Variants in COL9A1 observed in about 807,000 individuals in gnomAD.
The protein encoded by COL9A1 is collagen type IX alpha 1 chain.
Under a neutral mutation model 142.6 loss-of-function variants are expected in COL9A1, and 104 were observed. The ratio of observed to expected loss-of-function variants is 0.73; its 90% CI spans 0.62 to 0.86. COL9A1 has a LOEUF of 0.86. Ranked by LOEUF, COL9A1 falls within the 40% of genes least tolerant of loss-of-function variation. The pLI is 0.00. For missense variants in COL9A1, 1,210 were observed against 1,176.6 expected, an observed-to-expected ratio of 1.03 and a Z score of -0.42; for synonymous variants, 466 against 396.0, an observed-to-expected ratio of 1.18 and a Z score of -2.10.
At chr6:70,260,236 G>A (rs1282612623) in intron 20 of COL9A1, among the ~76,000 whole-genome samples, 1 of 152,066 alleles carries the variant, frequency 6.6e-6, no homozygotes, top group African/African-American at 2.4e-5. Flanking sequence ...CATCTACAAA[G>A]CATCATAAAA....
rs2127544097 is a variant in COL9A1, at chr6:70,217,037, C to T, written c.2626G>A (p.Glu876Lys). 3 of 1,614,188 alleles carry T rather than the reference C, an allele frequency of 1.9e-6. No homozygotes were observed. Among genetic ancestry groups the T allele is most frequent in the East Asian group, 2.2e-5 (1 of 44,892 alleles). Reference protein sequence around the residue: ...ASYGRNGRDGERGPPGVAGIP... With the variant: ...ASYGRNGRDGKRGPPGVAGIP... Reference sequence around the variant, plus strand: ...CCTGCCACCCCTGGGGGGCCTCGCTCACCGTCTCGGCCATTTCTGCCATAG... The same window carrying T: ...CCTGCCACCCCTGGGGGGCCTCGCTTACCGTCTCGGCCATTTCTGCCATAG... Residue 876 changes from glutamate to lysine, a missense_variant, in exon 38 of 38, where the codon GAG becomes AAG. Coordinates refer to ENST00000357250, the MANE Select transcript of COL9A1 (RefSeq NM_001851.6).
At chr6:70,220,898 G>A (rs971578330) in intron 37 of COL9A1, among the ~76,000 whole-genome samples, 1 of 152,088 alleles carries the variant, frequency 6.6e-6, no homozygotes, top group African/African-American at 2.4e-5. Flanking sequence ...ATGGTTTTCT[G>A]AAATGTCAAG....
At chr6:70,288,156 C>G (rs377163084) in intron 5 of COL9A1, among the ~76,000 whole-genome samples, 6 of 152,332 alleles carry the variant, frequency 3.9e-5, no homozygotes, top group East Asian at 3.9e-4. Flanking sequence ...CTGACACCTG[C>G]TCTTCCCACA....
intron 5 of COL9A1, among the ~76,000 whole-genome samples, chr6:70,288,312 C>T (rs1300163872): frequency 3.3e-5 from 5 of 152,160 alleles, no homozygotes; most frequent in Non-Finnish European, 1.5e-5. Flanking sequence ...GATCACTTTG[C>T]ATCACCTCCA....
At chr6:70,226,088 C>CTA (rs1287947307) in intron 36 of COL9A1, 79 bp from the exon 37 acceptor site, 5 of 1,311,510 alleles carry the variant, frequency 3.8e-6, no homozygotes, top group Non-Finnish European at 4.3e-6. Context: ...TTCAGCAAAT[C>CTA]TAAAATTCAG....
chr6:70,267,302 T>C (rs1487957771), intron 17 of COL9A1, among the ~76,000 whole-genome samples: 6 of 149,406 alleles, frequency 4.0e-5, no homozygotes, highest in Non-Finnish European at 8.9e-5. Flanking sequence ...TGTACATTTT[T>C]TGTTGTTGTT....
chr6:70,261,356 G>A (rs1288488967), intron 19 of COL9A1, among the ~76,000 whole-genome samples: 2 of 147,590 alleles, frequency 1.4e-5, no homozygotes, highest in African/African-American at 5.1e-5. Flanking sequence ...ATACTGAAAT[G>A]TTACCATTCT....
At chr6:70,280,384 AGGGAGTGCC>A in intron 10 of COL9A1, 1 of 1,170,466 alleles carries the variant, frequency 8.5e-7, no homozygotes. Context: ...AAATTAATGC[AGGGAGTGCC>A]GGTGAAAGAG....
chr6:70,222,029 A>G (rs1033886023), intron 37 of COL9A1, among the ~76,000 whole-genome samples: 8 of 152,178 alleles, frequency 5.3e-5, no homozygotes, highest in Admixed American at 4.6e-4. Context: ...AGAAAAACTA[A>G]TCGTATGATT....
intron 2 of COL9A1, among the ~76,000 whole-genome samples, chr6:70,301,194 G>A (rs1374439516): frequency 1.3e-5 from 2 of 152,148 alleles, no homozygotes; most frequent in Non-Finnish European, 2.9e-5. Flanking sequence ...CACCACAGAA[G>A]GCTTCTTGGA....
chr6:70,274,982 T>A (rs1042324159), intron 10 of COL9A1: 37 of 571,420 alleles, frequency 6.5e-5, no homozygotes, highest in Non-Finnish European at 3.1e-6. Context: ...TCTTGATAAG[T>A]TGTATCATAC....
chr6:70,268,946 A>C (rs1046188539), intron 16 of COL9A1, 86 bp from the exon 17 acceptor site: 2 of 1,123,984 alleles, frequency 1.8e-6, no homozygotes, highest in African/African-American at 3.0e-5. Context: ...TATCTTTTTT[A>C]AGGGATTCCA....
At chr6:70,243,886 A>G (rs1406053957) in intron 28 of COL9A1, among the ~76,000 whole-genome samples, 1 of 152,224 alleles carries the variant, frequency 6.6e-6, no homozygotes, top group East Asian at 1.9e-4. Context: ...TATTGGATAA[A>G]TAATCACATT....
At chr6:70,237,730 T>G (rs2127561986) in intron 33 of COL9A1, among the ~76,000 whole-genome samples, 1 of 152,346 alleles carries the variant, frequency 6.6e-6, no homozygotes, top group South Asian at 2.1e-4. Context: ...CTCAACCATT[T>G]CTGTTAAAAA....
At chr6:70,215,661 A>G (rs985829636), downstream of COL9A1, 74 of 152,222 alleles carry the variant, frequency 4.9e-4, no homozygotes, top group African/African-American at 1.6e-3. Flanking sequence ...GCTGAGCTGC[A>G]TTTATAAAAT....
At chr6:70,215,923 A>ACACG (rs1394600104), downstream of COL9A1, 9 of 151,790 alleles carry the variant, frequency 5.9e-5, no homozygotes, top group Non-Finnish European at 4.4e-5. Context: ...ACACACACAC[A>ACACG]CACACACACA....
intron 5 of COL9A1, among the ~76,000 whole-genome samples, chr6:70,292,269 T>C (rs1282527724): frequency 6.6e-6 from 1 of 152,172 alleles, no homozygotes; most frequent in African/African-American, 2.4e-5. Flanking sequence ...GGCTCAAGTC[T>C]TTTTTGTGTT....
Position 70,294,371 on chromosome 6 carries a change from G to C in COL9A1, c.492C>G (p.Leu164=), listed in dbSNP as rs1773770991. The C allele has an allele frequency of 6.2e-7, 1 of 1,613,954 alleles. No homozygotes were observed. The highest frequency in any genetic ancestry group is 8.5e-7 in the Non-Finnish European group (1 of 1,179,986). Residue 164 remains leucine (L), a synonymous_variant, in exon 5 of 38, where the codon CTC becomes CTG. Coordinates refer to ENST00000357250, the MANE Select transcript of COL9A1 (RefSeq NM_001851.6). ...VFSYKGLDGS[L]QTAAFSNLSS... Reference sequence around the variant, plus strand: ...ACAAATTCGAAAAGGCTGCTGTTTGGAGACTTCCATCCAGTCCCTTGTATG... The same window carrying C: ...ACAAATTCGAAAAGGCTGCTGTTTGCAGACTTCCATCCAGTCCCTTGTATG...
intron 2 of COL9A1, among the ~76,000 whole-genome samples, chr6:70,301,491 C>A (rs1774061791): frequency 1.3e-5 from 2 of 152,152 alleles, no homozygotes; most frequent in African/African-American, 4.8e-5. Flanking sequence ...GCAGAAGAAT[C>A]ACTTGAACCT....
Sources: gnomAD v4.1 joint callset for allele counts (sites outside exome capture counted in the v4.1 genomes callset) on GRCh38, gnomAD v4.1.1 for gene constraint, MANE v1.5 for transcripts, NCBI Gene and HGNC (gene_info 2026-07-23, HGNC 2026-07-21) for gene names.